The following FANK1 variants were observed in gnomAD, a reference collection of about 807,000 sequenced individuals.
FANK1 encodes the protein fibronectin type 3 and ankyrin repeat domains protein 1.
FANK1 carries 44 observed loss-of-function variants against 45.3 expected under a neutral mutation model. The observed-to-expected ratio is 0.97, with a 90% CI of 0.76 to 1.25. The LOEUF is 1.25. FANK1 is among the 50% of genes most tolerant of loss of function. The pLI is 0.00. For missense variants in FANK1, 391 were observed against 424.4 expected (o/e 0.92, Z 0.69); for synonymous variants, 149 against 152.5 (o/e 0.98, Z 0.17).
intron 3 of FANK1, among the ~76,000 whole-genome samples, chr10:125,993,827 CA>C (rs1243157634): frequency 6.6e-6 from 1 of 152,168 alleles, no homozygotes; most frequent in African/African-American, 2.4e-5. Flanking sequence ...CTAGCTCTAG[CA>C]GACAAAATTG....
At chr10:125,989,277 C>T (rs201929040) in intron 3 of FANK1, 15 of 1,549,536 alleles carry the variant, frequency 9.7e-6, no homozygotes, top group Admixed American at 2.0e-5. Context: ...TATCTATGTC[C>T]AGGGCCATCT....
At chr10:125,977,183 T>C (rs1241653830) in intron 1 of FANK1, among the ~76,000 whole-genome samples, 1 of 152,092 alleles carries the variant, frequency 6.6e-6, no homozygotes, top group Non-Finnish European at 1.5e-5. Flanking sequence ...GCCATCTGAG[T>C]GTTATCAGAG....
chr10:125,996,405 A>G, intron 4 of FANK1, 145 bp from the exon 5 acceptor site: 2 of 659,398 alleles, frequency 3.0e-6, no homozygotes, highest in Non-Finnish European at 5.3e-6. Flanking sequence ...AGTCTAAGAC[A>G]AGAAAAGATT....
At chr10:125,973,119 A>G (rs1950624743) in intron 1 of FANK1, 1 of 152,246 alleles carries the variant, frequency 6.6e-6, no homozygotes, top group African/African-American at 2.4e-5. Context: ...ATCTCTCATT[A>G]TGTACCTACA....
At chr10:125,915,711 G>A (rs113950783) in intron 1 of FANK1, among the ~76,000 whole-genome samples, 1 of 152,190 alleles carries the variant, frequency 6.6e-6, no homozygotes, top group Non-Finnish European at 1.5e-5. Flanking sequence ...CTACTCAGGA[G>A]GCTGAGGTGG....
At chr10:125,906,627 G>T (rs1010485394) in intron 1 of FANK1, among the ~76,000 whole-genome samples, 4 of 151,290 alleles carry the variant, frequency 2.6e-5, no homozygotes, top group African/African-American at 9.7e-5. Context: ...TTAGCAGTTA[G>T]CTCCTTACTG....
chr10:125,946,483 T>C (rs1178252905), intron 1 of FANK1, among the ~76,000 whole-genome samples: 3 of 152,060 alleles, frequency 2.0e-5, no homozygotes, highest in Non-Finnish European at 2.9e-5. Flanking sequence ...GGAGCTGATG[T>C]GATCAACTGG....
Position 126,007,687 on chromosome 10 carries a change from GCA to G in FANK1, c.706-714_706-713del, listed in dbSNP as rs201756429. Among the ~76,000 whole-genome samples, 5 of 87,738 alleles carry G rather than the reference GCA, an allele frequency of 5.7e-5. 1 individual carries two copies. The South Asian group carries it at 1.3e-3, about 22-fold the overall frequency. The allele number at this position is 87,738 out of a possible 152,430, so 57.6% of individuals were successfully genotyped here. ...TTATGTGCACATGGTATGCGTGTGT[GCA>G]CACACGAGTGTGTGTGCGTGTCTGA... On this transcript the variant is annotated intron_variant, in intron 7 of 10. Coordinates refer to ENST00000368693, the MANE Select transcript of FANK1 (RefSeq NM_145235.5).
chr10:125,917,224 C>G (rs1471587066), intron 1 of FANK1, among the ~76,000 whole-genome samples: 3 of 152,186 alleles, frequency 2.0e-5, no homozygotes, highest in African/African-American at 7.2e-5. Flanking sequence ...ACATGAGATT[C>G]CAGTCTACTT....
At position 125,934,546 on chromosome 10, in the gene FANK1, G is replaced by A. The variant is rs965553522; in HGVS notation, c.13+37891G>A. The stretch of plus-strand genomic sequence containing the variant: ...GCTGTGGGCAGAATTCCAGTCCTGC[G>A]TGAATTAAGGCTGGTCCCCAAACCA... On this transcript the variant is annotated intron_variant, in intron 1 of 10. Coordinates refer to ENST00000368693, the MANE Select transcript of FANK1 (RefSeq NM_145235.5). 6.6e-5 allele frequency among the ~76,000 whole-genome samples: 10 copies of A among 151,890 alleles called. No individual in the cohort carries two copies. In the South Asian group the frequency reaches 1.0e-3, roughly 16 times the overall value.
chr10:125,916,257 G>A (rs757171296), intron 1 of FANK1, among the ~76,000 whole-genome samples: 8 of 151,978 alleles, frequency 5.3e-5, no homozygotes, highest in South Asian at 2.1e-4. Context: ...GGATGGTCTC[G>A]ATCTCTTGAC....
At chr10:125,919,128 T>C (rs61870893) in intron 1 of FANK1, among the ~76,000 whole-genome samples, 3,198 of 80,006 alleles carry the variant, frequency 0.04, no homozygotes, top group African/African-American at 0.045. Context: ...TGCTAATGCA[T>C]TGGCCTGGGG....
intron 1 of FANK1, among the ~76,000 whole-genome samples, chr10:125,959,861 G>T (rs1470560596): frequency 1.3e-5 from 2 of 152,058 alleles, no homozygotes; most frequent in Non-Finnish European, 2.9e-5. Flanking sequence ...TGATATTCTA[G>T]GTATAGAAAC....
At chr10:125,996,770 T>C in intron 5 of FANK1, 146 bp downstream of exon 5, 1 of 639,818 alleles carries the variant, frequency 1.6e-6, no homozygotes, top group Non-Finnish European at 2.6e-6. Flanking sequence ...ATATGATGGC[T>C]TAGAAATTCA....
At chr10:125,995,848 G>A (rs1241930137) in intron 4 of FANK1, among the ~76,000 whole-genome samples, 2 of 152,144 alleles carry the variant, frequency 1.3e-5, no homozygotes, top group South Asian at 4.1e-4. Flanking sequence ...ATGAAACAAG[G>A]GACTCGCCAA....
intron 1 of FANK1, among the ~76,000 whole-genome samples, chr10:125,928,171 C>T (rs79298138): frequency 6.6e-6 from 1 of 151,236 alleles, no homozygotes; most frequent in Non-Finnish European, 1.5e-5. Flanking sequence ...AATGGCTACT[C>T]TATAGACAGA....
In FANK1 at chr10:125,979,160, C is replaced by T. The variant is rs567798991; in HGVS notation, c.14-1001C>T. Among the ~76,000 whole-genome samples the T allele has an allele frequency of 5.9e-5, 9 of 152,140 alleles. No homozygotes were observed. The South Asian group carries it at 1.7e-3, about 28-fold the overall frequency. Reference sequence around the variant, plus strand: ...GGAGTATCCCCTGGCTCCGTGCTGACCCCCGGGGGGCCATTGTCCTGTCTT... The same window carrying T: ...GGAGTATCCCCTGGCTCCGTGCTGATCCCCGGGGGGCCATTGTCCTGTCTT... On this transcript the variant is annotated intron_variant, in intron 1 of 10. Coordinates refer to ENST00000368693, the MANE Select transcript of FANK1 (RefSeq NM_145235.5).
chr10:125,969,936 G>C (rs1044826439), intron 1 of FANK1, among the ~76,000 whole-genome samples: 1 of 152,206 alleles, frequency 6.6e-6, no homozygotes, highest in African/African-American at 2.4e-5. Context: ...AGAGCATGGG[G>C]TTGGGGGTAA....
intron 1 of FANK1, chr10:125,907,592 G>T (rs1463604496): frequency 3.0e-6 from 2 of 665,200 alleles, no homozygotes; most frequent in African/African-American, 4.5e-5. Context: ...GTGTGTGTGT[G>T]TGTATGTGTG....
Sources: allele counts gnomAD v4.1 joint callset (sites outside exome capture counted in the v4.1 genomes callset), GRCh38; gene constraint gnomAD v4.1.1; transcripts MANE v1.5; gene names NCBI Gene and HGNC (gene_info 2026-07-23, HGNC 2026-07-21).